Variants in GHR observed in about 807,000 individuals in gnomAD.
The protein encoded by GHR is growth hormone receptor.
Under a neutral mutation model 67.1 loss-of-function variants are expected in GHR, and 35 were observed. The observed-to-expected ratio is 0.52, with a 90% confidence interval of 0.40 to 0.69. The LOEUF (loss-of-function observed/expected upper bound fraction) is 0.69, where lower values mean the gene tolerates loss of function less well. Ranked by LOEUF, GHR falls within the 30% of genes least tolerant of loss-of-function variation. The pLI is 0.00. For synonymous variants in GHR, 272 were observed against 269.1 expected, an observed-to-expected ratio of 1.01 and a Z score of -0.10; for missense variants, 792 against 764.6, an observed-to-expected ratio of 1.04 and a Z score of -0.42.
intron 1 of GHR, among the ~76,000 whole-genome samples, chr5:42,449,847 G>A (rs1328969674): frequency 4.6e-5 from 7 of 152,044 alleles, no homozygotes; most frequent in African/African-American, 1.7e-4. Flanking sequence ...AAAGTATGCT[G>A]GATTTTGTCA....
At chr5:42,606,958 G>T (rs1752657168) in intron 2 of GHR, among the ~76,000 whole-genome samples, 2 of 152,114 alleles carry the variant, frequency 1.3e-5, no homozygotes, top group African/African-American at 4.8e-5. Flanking sequence ...TAGGTGAATT[G>T]GTGATTATGG....
chr5:42,582,712 C>G (rs1751242682), intron 2 of GHR, among the ~76,000 whole-genome samples: 1 of 152,242 alleles, frequency 6.6e-6, no homozygotes, highest in South Asian at 2.1e-4. Context: ...CTGTGTGACA[C>G]CCTCTTTGGG....
chr5:42,551,485 G>A (rs1369934391), intron 1 of GHR, among the ~76,000 whole-genome samples: 1 of 152,162 alleles, frequency 6.6e-6, no homozygotes, highest in Non-Finnish European at 1.5e-5. Context: ...CTGGAGAAAA[G>A]AGAAGGTAGG....
intron 3 of GHR, among the ~76,000 whole-genome samples, chr5:42,658,200 A>C (rs553520582): frequency 7.6e-4 from 115 of 151,936 alleles, no homozygotes; most frequent in African/African-American, 2.5e-3. Flanking sequence ...ACCTAATGCC[A>C]AAAAAAAGCA....
intron 1 of GHR, chr5:42,548,573 G>A (rs141294439): frequency 0.016 from 13,003 of 818,002 alleles, 147 homozygotes; most frequent in Middle Eastern, 0.031. Context: ...TTAAAAGGCT[G>A]ATAGTCAGGG....
chr5:42,693,329 A>G lies in GHR; in HGVS notation c.267-1588A>G, dbSNP rs4624796. On this transcript the variant is annotated intron_variant, in intron 4 of 9. Coordinates refer to ENST00000230882, the MANE Select transcript of GHR (RefSeq NM_000163.5). ...GCTAATTTTTGTATTTTTAGTACAGATGGGGTTTTACCATGTTAGCCAGGC... is the reference window on the plus strand; with the variant it reads ...GCTAATTTTTGTATTTTTAGTACAGGTGGGGTTTTACCATGTTAGCCAGGC... Among the ~76,000 whole-genome samples the G allele has an allele frequency of 6.1e-3, 921 of 152,068 alleles. 5 individuals are homozygous for G. Among genetic ancestry groups the G allele is most frequent in the Admixed American group, 0.011 (167 of 15,266 alleles).
intron 6 of GHR, among the ~76,000 whole-genome samples, chr5:42,700,681 C>T (rs1419526562): frequency 6.7e-6 from 1 of 149,216 alleles, no homozygotes; most frequent in Non-Finnish European, 1.5e-5. Flanking sequence ...ATCTGTCTAA[C>T]CACAGCCACA....
intron 1 of GHR, among the ~76,000 whole-genome samples, chr5:42,524,294 A>C (rs35920615): frequency 7.2e-5 from 11 of 152,044 alleles, no homozygotes; most frequent in African/African-American, 2.4e-4. Flanking sequence ...GTGGTTTCAG[A>C]TGGAGATGAG....
chr5:42,553,400 A>G (rs570172149), intron 1 of GHR, among the ~76,000 whole-genome samples: 1 of 152,170 alleles, frequency 6.6e-6, no homozygotes, highest in South Asian at 2.1e-4. Context: ...GGCTATCTGC[A>G]TTGCATCTCA....
chr5:42,688,395 T>A (rs1169374195), intron 3 of GHR, among the ~76,000 whole-genome samples: 2 of 152,194 alleles, frequency 1.3e-5, no homozygotes, highest in Admixed American at 1.3e-4. Context: ...TAGATAAATA[T>A]CCTAGCCTCT....
chr5:42,514,457 T>C (rs1234795708), intron 1 of GHR: 1 of 262,110 alleles, frequency 3.8e-6, no homozygotes, highest in African/African-American at 2.5e-5. Context: ...ACCATATGCA[T>C]AAATGGTTCT....
intron 1 of GHR, among the ~76,000 whole-genome samples, chr5:42,499,153 G>C (rs1439831856): frequency 6.6e-6 from 1 of 152,146 alleles, no homozygotes; most frequent in Non-Finnish European, 1.5e-5. Context: ...AAGTCTCCTA[G>C]CTATGTCGAG....
chr5:42,706,512 T>TA (rs1758182419), intron 6 of GHR, among the ~76,000 whole-genome samples: 1 of 152,150 alleles, frequency 6.6e-6, no homozygotes, highest in South Asian at 2.1e-4. Flanking sequence ...CTAGGGTTTT[T>TA]ATAGTTTGGG....
At chr5:42,563,883 C>G (rs1749773938) in intron 1 of GHR, among the ~76,000 whole-genome samples, 1 of 151,904 alleles carries the variant, frequency 6.6e-6, no homozygotes, top group African/African-American at 2.4e-5. Context: ...AACTTTTTTT[C>G]AGCCTTTTAA....
chr5:42,664,056 A>G (rs1755816807), intron 3 of GHR, among the ~76,000 whole-genome samples: 1 of 152,236 alleles, frequency 6.6e-6, no homozygotes, highest in Non-Finnish European at 1.5e-5. Flanking sequence ...GGACCTCTTC[A>G]AGGAGAACTA....
chr5:42,505,132 T>TTC (rs1459569068), intron 1 of GHR, among the ~76,000 whole-genome samples: 1 of 151,570 alleles, frequency 6.6e-6, no homozygotes, highest in African/African-American at 2.4e-5. Flanking sequence ...GTTTTTTTTT[T>TTC]TTTTTCTTTC....
chr5:42,432,513 C>T (rs561709725), intron 1 of GHR, among the ~76,000 whole-genome samples: 2 of 152,294 alleles, frequency 1.3e-5, no homozygotes, highest in South Asian at 2.1e-4. Context: ...TTCACCCTAT[C>T]AGCTGCTTCT....
intron 1 of GHR, among the ~76,000 whole-genome samples, chr5:42,437,850 C>T (rs1339213199): frequency 1.3e-5 from 2 of 150,286 alleles, no homozygotes; most frequent in East Asian, 1.9e-4. Context: ...GGCACCGTGC[C>T]GAGCCATCCT....
At chr5:42,523,974 C>T (rs1052598478) in intron 1 of GHR, among the ~76,000 whole-genome samples, 5 of 152,192 alleles carry the variant, frequency 3.3e-5, no homozygotes, top group African/African-American at 1.2e-4. Context: ...ATTCTGAGGC[C>T]TCCCAAGGCA....
Sources: allele counts gnomAD v4.1 joint callset (sites outside exome capture counted in the v4.1 genomes callset), GRCh38; gene constraint gnomAD v4.1.1; transcripts MANE v1.5; gene names NCBI Gene and HGNC (gene_info 2026-07-23, HGNC 2026-07-21).